Variants in TCN2 observed in about 807,000 individuals in gnomAD.
The protein encoded by TCN2 is transcobalamin 2.
In TCN2, 34 loss-of-function variants were observed where a neutral mutation model predicts 48.6. The ratio of observed to expected loss-of-function variants is 0.70; its 90% CI spans 0.53 to 0.93. TCN2 has a LOEUF of 0.93. TCN2 is among the 40% of genes least tolerant of loss of function. The pLI is 0.00. For synonymous variants in TCN2, 283 were observed against 212.5 expected (o/e 1.33, Z -2.89); for missense variants, 652 against 526.1 (o/e 1.24, Z -2.34).
At chr22:30,621,603 C>T (rs2087700328) in intron 7 of TCN2, among the ~76,000 whole-genome samples, 1 of 152,200 alleles carries the variant, frequency 6.6e-6, no homozygotes, top group East Asian at 1.9e-4. Flanking sequence ...CTGCCTCAGT[C>T]TCCTGAATAG....
intron 1 of TCN2, 107 bp from the exon 2 acceptor site, chr22:30,610,764 T>TG: frequency 8.6e-7 from 1 of 1,166,558 alleles, no homozygotes; most frequent in Non-Finnish European, 1.3e-6. Context: ...TGGGTGGAGG[T>TG]GGGGGTGAGG....
intron 8 of TCN2, among the ~76,000 whole-genome samples, chr22:30,625,787 T>C (rs1425951604): frequency 6.6e-6 from 1 of 152,102 alleles, no homozygotes; most frequent in Non-Finnish European, 1.5e-5. Context: ...TCCTATCCCA[T>C]TGATGAGGCT....
chr22:30,619,524 A>C (rs1284512223), intron 7 of TCN2, among the ~76,000 whole-genome samples: 6 of 152,258 alleles, frequency 3.9e-5, no homozygotes, highest in Non-Finnish European at 8.8e-5. Context: ...GTTGTTTGAC[A>C]GGTCCTGTCC....
chr22:30,615,861 G>A lies in TCN2; in HGVS notation c.940+74G>A, dbSNP rs2087606582. On this transcript the variant is annotated intron_variant, in intron 6 of 8. Transcript: ENST00000215838. ...CCCATTGACGTCCCAGTGAGGGGAGGTTGCTTCATCCTGATTTGCTGAGTC... is the reference window on the plus strand; with the variant it reads ...CCCATTGACGTCCCAGTGAGGGGAGATTGCTTCATCCTGATTTGCTGAGTC... 13 of 1,585,692 alleles carry A rather than the reference G, an allele frequency of 8.2e-6. No homozygotes were observed. The East Asian group carries it at 2.0e-4, about 25-fold the overall frequency.
At chr22:30,624,870 T>C (rs1163802220) in intron 8 of TCN2, among the ~76,000 whole-genome samples, 1 of 152,198 alleles carries the variant, frequency 6.6e-6, no homozygotes, top group Admixed American at 6.5e-5. Context: ...CTCTTTTGTC[T>C]TAGTCCATTG....
intron 7 of TCN2, chr22:30,617,852 T>C (rs900208754): frequency 8.4e-6 from 3 of 356,140 alleles, no homozygotes; most frequent in East Asian, 6.5e-5. Flanking sequence ...GATAGTGGCA[T>C]GTGCTTTTTA....
At chr22:30,622,734 C>T (rs1385919607) in intron 7 of TCN2, among the ~76,000 whole-genome samples, 3 of 152,186 alleles carry the variant, frequency 2.0e-5, no homozygotes, top group East Asian at 3.9e-4. Flanking sequence ...TCCTGGAGGC[C>T]ATGGTCATGG....
chr22:30,623,825 C>CACAT lies in TCN2; in HGVS notation c.1222+745_1222+746insTACA. On this transcript the variant is annotated intron_variant, in intron 8 of 8. Coordinates refer to ENST00000215838, the MANE Select transcript of TCN2 (RefSeq NM_000355.4). ...ACATACACATATATACACACACATACACACACATATACACACACATACATA... is the reference window on the plus strand; with the variant it reads ...ACATACACATATATACACACACATACACATACACACATATACACACACATACATA... Among the ~76,000 whole-genome samples the CACAT allele has an allele frequency of 2.5e-4, 4 of 15,966 alleles. 2 individuals carry two copies. In the East Asian group the frequency reaches 4.5e-3, roughly 18 times the overall value. 10.5% of individuals were successfully genotyped at this position (15,966 alleles called of 152,430 possible).
rs538133033 is a variant in TCN2, at chr22:30,626,804, C to G, written c.*283C>G. 195 of 551,138 alleles carry G rather than the reference C, an allele frequency of 3.5e-4. 1 individual carries two copies. In the Middle Eastern group the frequency reaches 4.5e-3, roughly 13 times the overall value. The allele number at this position is 551,138 out of a possible 1,614,324, so 34.1% of individuals were successfully genotyped here. ...GAAGGCCACCCCATGGTCTGATGGG[C>G]ATGAAGCATCTCAGACTCCTTGGCA... is the stretch of plus-strand genomic sequence containing the variant. On this transcript the variant is annotated 3_prime_UTR_variant, in exon 9 of 9. Coordinates refer to ENST00000215838, the MANE Select transcript of TCN2 (RefSeq NM_000355.4).
intron 3 of TCN2, among the ~76,000 whole-genome samples, chr22:30,613,890 A>G (rs1420697986): frequency 6.6e-6 from 1 of 151,852 alleles, no homozygotes. Flanking sequence ...CAGCCATACC[A>G]TCTCTCAACT....
intron 1 of TCN2, chr22:30,610,348 G>A (rs1184210591): frequency 4.3e-6 from 2 of 466,998 alleles, no homozygotes; most frequent in Non-Finnish European, 8.9e-6. Context: ...AACACGTTCT[G>A]CATGTGGGCT....
At chr22:30,619,854 A>G (rs1412571939) in intron 7 of TCN2, among the ~76,000 whole-genome samples, 1 of 152,162 alleles carries the variant, frequency 6.6e-6, no homozygotes, top group Non-Finnish European at 1.5e-5. Context: ...TGATAATTTT[A>G]TTAAATATAA....
intron 7 of TCN2, among the ~76,000 whole-genome samples, chr22:30,618,079 G>T (rs1195411775): frequency 6.6e-6 from 1 of 150,902 alleles, no homozygotes; most frequent in South Asian, 2.1e-4. Flanking sequence ...CCAAATAGCT[G>T]AGACTATAGG....
At chr22:30,625,800 ACT>A (rs1240292486) in intron 8 of TCN2, among the ~76,000 whole-genome samples, 1 of 151,814 alleles carries the variant, frequency 6.6e-6, no homozygotes, top group Non-Finnish European at 1.5e-5. Flanking sequence ...ATGAGGCTCT[ACT>A]CTCATGACCT....
chr22:30,619,743 G>A (rs187215829), intron 7 of TCN2, among the ~76,000 whole-genome samples: 1 of 152,316 alleles, frequency 6.6e-6, no homozygotes, highest in Non-Finnish European at 1.5e-5. Flanking sequence ...CTAGGCTAGA[G>A]AATCTCAGAC....
intron 7 of TCN2, among the ~76,000 whole-genome samples, chr22:30,621,410 C>CCTTGATGCG (rs1219319401): frequency 2.0e-5 from 3 of 152,160 alleles, no homozygotes; most frequent in Non-Finnish European, 4.4e-5. Context: ...TTCCCTGTTA[C>CCTTGATGCG]TTTGACGGTC....
chr22:30,625,718 C>T (rs1238273097), intron 8 of TCN2, among the ~76,000 whole-genome samples: 2 of 152,108 alleles, frequency 1.3e-5, no homozygotes, highest in African/African-American at 2.4e-5. Context: ...CCTGCCTTGG[C>T]CTCCCAAAGT....
In TCN2 at chr22:30,610,008, A is replaced by G. The variant is rs930687700; in HGVS notation, c.65-863A>G. 2.0e-5 allele frequency among the ~76,000 whole-genome samples: 3 copies of G among 152,150 alleles called. No individual in the cohort carries two copies. In the South Asian group the frequency reaches 6.2e-4, roughly 32 times the overall value. ...GCCCAGCAGCAACTGGGAGGCAGTAAACAGGGACCGAAAGTGCAAGGTTAC... is the reference window on the plus strand; with the variant it reads ...GCCCAGCAGCAACTGGGAGGCAGTAGACAGGGACCGAAAGTGCAAGGTTAC... On this transcript the variant is annotated intron_variant, in intron 1 of 8. Transcript: ENST00000215838.
chr22:30,623,092 T>A lies in TCN2; in HGVS notation c.1222+9T>A. 6.2e-7 allele frequency: 1 copy of A among 1,613,676 alleles called. No homozygotes were observed. The highest frequency in any genetic ancestry group is 1.3e-5 in the African/African-American group (1 of 74,932). On this transcript the variant is annotated intron_variant, in intron 8 of 8. Transcript: ENST00000215838. Reference sequence around the variant, plus strand: ...CACCCCACTGTTGCAAGGTGAGTCATGGCCTGACACTCTGGATGTGTCCCC... The same window carrying A: ...CACCCCACTGTTGCAAGGTGAGTCAAGGCCTGACACTCTGGATGTGTCCCC...
Sources: allele counts gnomAD v4.1 joint callset (sites outside exome capture counted in the v4.1 genomes callset), GRCh38; gene constraint gnomAD v4.1.1; transcripts MANE v1.5; gene names NCBI Gene and HGNC (gene_info 2026-07-23, HGNC 2026-07-21).